Variants in NEBL observed in about 807,000 individuals in gnomAD.
NEBL encodes LIM and SH3 protein 2.
NEBL carries 122 observed loss-of-function variants against 140.2 expected under a neutral mutation model. The observed-to-expected ratio is 0.87, with a 90% CI of 0.75 to 1.01. The LOEUF is 1.01. Among genes scored for constraint, NEBL ranks in the 50% least tolerant of loss-of-function variants. NEBL has a pLI of 0.00. For missense variants in NEBL, 1,365 were observed against 1,231.3 expected (o/e 1.11, Z -1.62); for synonymous variants, 436 against 398.9 (o/e 1.09, Z -1.11).
At chr10:21,056,420 A>T (rs1442660128) in intron 2 of NEBL, among the ~76,000 whole-genome samples, 1 of 149,994 alleles carries the variant, frequency 6.7e-6, no homozygotes, top group Non-Finnish European at 1.5e-5. Context: ...GCAAAAAAAG[A>T]TAGACTGACT....
intron 3 of NEBL, among the ~76,000 whole-genome samples, chr10:20,995,225 C>T (rs1589119042): frequency 6.6e-6 from 1 of 152,266 alleles, no homozygotes; most frequent in East Asian, 1.9e-4. Flanking sequence ...TCTCTGAGAA[C>T]AGGAGCCCAG....
chr10:21,108,511 A>G (rs566392569), intron 2 of NEBL, among the ~76,000 whole-genome samples: 1 of 152,296 alleles, frequency 6.6e-6, no homozygotes, highest in South Asian at 2.1e-4. Context: ...ATTTGATTGC[A>G]CTGTGGTCTG....
intron 26 of NEBL, among the ~76,000 whole-genome samples, chr10:20,801,783 C>T (rs959977397): frequency 6.6e-6 from 1 of 152,042 alleles, no homozygotes; most frequent in African/African-American, 2.4e-5. Flanking sequence ...CTGAGAGTTC[C>T]AGAATGTACT....
intron 2 of NEBL, among the ~76,000 whole-genome samples, chr10:21,135,215 T>C (rs958402942): frequency 1.3e-5 from 2 of 152,176 alleles, no homozygotes; most frequent in African/African-American, 4.8e-5. Flanking sequence ...ATTTTCCTCT[T>C]CCAAACTGAA....
intron 3 of NEBL, among the ~76,000 whole-genome samples, chr10:21,227,707 C>CTTCTTCT (rs1564546004): frequency 1.0e-4 from 8 of 80,320 alleles, no homozygotes; most frequent in Non-Finnish European, 1.6e-4. Context: ...TCTTCTTCTT[C>CTTCTTCT]TTCTTTCTTC....
intron 4 of NEBL, among the ~76,000 whole-genome samples, chr10:20,925,270 T>C (rs1833840056): frequency 6.6e-6 from 1 of 152,208 alleles, no homozygotes. Flanking sequence ...TCACTTTCTT[T>C]TTACTCATAA....
At chr10:20,885,459 C>T (rs1846427483) in intron 4 of NEBL, among the ~76,000 whole-genome samples, 7 of 152,168 alleles carry the variant, frequency 4.6e-5, no homozygotes, top group Admixed American at 3.9e-4. Context: ...GCACCTTTCC[C>T]AGTGGTGTCT....
chr10:21,265,083 C>T (rs991740987), intron 1 of NEBL, among the ~76,000 whole-genome samples: 13 of 151,794 alleles, frequency 8.6e-5, no homozygotes, highest in East Asian at 1.9e-4. Context: ...CCACCGTGCC[C>T]GACTAATTTT....
intron 1 of NEBL, among the ~76,000 whole-genome samples, chr10:21,266,007 T>C (rs1015180673): frequency 2.6e-5 from 4 of 152,218 alleles, no homozygotes; most frequent in Admixed American, 2.6e-4. Context: ...TAAAAATTGC[T>C]TCTAGGAGCA....
intron 3 of NEBL, among the ~76,000 whole-genome samples, chr10:21,182,019 G>A (rs189320096): frequency 2.0e-5 from 3 of 152,286 alleles, no homozygotes; most frequent in East Asian, 3.9e-4. Context: ...ATCAGCAGAC[G>A]CATCTGATGG....
intron 1 of NEBL, among the ~76,000 whole-genome samples, chr10:21,270,796 C>T (rs566169116): frequency 1.3e-5 from 2 of 152,254 alleles, no homozygotes; most frequent in East Asian, 1.9e-4. Flanking sequence ...TTCTCAATAA[C>T]GACTTGTCCA....
intron 14 of NEBL, among the ~76,000 whole-genome samples, chr10:20,833,001 G>A (rs1840560687): frequency 6.6e-6 from 1 of 152,206 alleles, no homozygotes; most frequent in Admixed American, 6.5e-5. Context: ...TGATGAAACT[G>A]AGGCACTGAT....
chr10:20,934,326 CT>C (rs1347830813), intron 4 of NEBL, among the ~76,000 whole-genome samples: 1 of 152,158 alleles, frequency 6.6e-6, no homozygotes, highest in Non-Finnish European at 1.5e-5. Context: ...GTGTTTGGGA[CT>C]ATTTCTGCCT....
chr10:21,049,155 A>G (rs1003984294), intron 2 of NEBL, among the ~76,000 whole-genome samples: 8 of 152,256 alleles, frequency 5.3e-5, no homozygotes, highest in Non-Finnish European at 8.8e-5. Context: ...AAGTGTACTG[A>G]TTAAAATGTT....
chr10:20,869,108 G>A (rs1844645273), intron 6 of NEBL, among the ~76,000 whole-genome samples: 5 of 152,172 alleles, frequency 3.3e-5, no homozygotes, highest in South Asian at 2.1e-4. Context: ...TTATAGTTTC[G>A]TTTATTCTCA....
intron 4 of NEBL, among the ~76,000 whole-genome samples, chr10:20,954,326 G>A (rs770260416): frequency 5.9e-5 from 9 of 152,158 alleles, no homozygotes; most frequent in Admixed American, 2.0e-4. Flanking sequence ...ACAAATGGTC[G>A]ATACATTTGT....
At chr10:21,222,802 G>A (rs143141057) in intron 3 of NEBL, among the ~76,000 whole-genome samples, 14,745 of 151,860 alleles carry the variant, frequency 0.097, 845 homozygotes, top group Middle Eastern at 0.14. Flanking sequence ...TGTTCTTGTC[G>A]CCCAGGCTGG....
Position 21,173,736 on chromosome 10 carries a change from C to G in NEBL, c.69+29G>C, listed in dbSNP as rs766594451. On this transcript the variant is annotated intron_variant, in intron 1 of 6. Transcript: ENST00000417816. This position sits in a 1 kb window ranked among gnomAD's most constrained non-coding sequence, Gnocchi z 5.7. ...AGGTGCAGCCCCTCGCCCGGCAGGTCCAGGCTGGCCCGGCGCCCCCTCGCT... is the reference window on the plus strand; with the variant it reads ...AGGTGCAGCCCCTCGCCCGGCAGGTGCAGGCTGGCCCGGCGCCCCCTCGCT... The G allele has an allele frequency of 6.2e-7, 1 of 1,611,958 alleles. No individual in the cohort carries two copies. Among genetic ancestry groups the G allele is most frequent in the Non-Finnish European group, 8.5e-7 (1 of 1,179,650 alleles).
At chr10:20,946,543 C>A (rs1835169815) in intron 4 of NEBL, among the ~76,000 whole-genome samples, 1 of 152,116 alleles carries the variant, frequency 6.6e-6, no homozygotes. Flanking sequence ...CTCACTGCAA[C>A]CTCTGCTTCC....
Sources: allele counts gnomAD v4.1 joint callset (sites outside exome capture counted in the v4.1 genomes callset), GRCh38; gene constraint gnomAD v4.1.1; non-coding constraint Gnocchi (gnomAD v3.1); transcripts MANE v1.5; gene names NCBI Gene and HGNC (gene_info 2026-07-23, HGNC 2026-07-21).